BFSP2: variants seen among roughly 807,000 people sequenced by gnomAD.
BFSP2 encodes the protein beaded filament structural protein 2.
BFSP2 carries 38 observed loss-of-function variants against 44.9 expected under a neutral mutation model. The ratio of observed to expected loss-of-function variants is 0.85; its 90% CI spans 0.65 to 1.11. The LOEUF is 1.11. BFSP2 is among the 50% of genes least tolerant of loss of function. BFSP2 has a pLI of 0.00. For synonymous variants in BFSP2, 197 were observed against 209.9 expected, an observed-to-expected ratio of 0.94 and a Z score of 0.53; for missense variants, 525 against 533.0, an observed-to-expected ratio of 0.99 and a Z score of 0.15.
At chr3:133,442,911 G>A (rs568809928) in intron 1 of BFSP2, among the ~76,000 whole-genome samples, 1 of 151,686 alleles carries the variant, frequency 6.6e-6, no homozygotes, top group South Asian at 2.1e-4. Context: ...AGGCTGGAGT[G>A]CAGTGGTGCG....
chr3:133,414,512 T>C, intron 1 of BFSP2, among the ~76,000 whole-genome samples: 1 of 63,676 alleles, frequency 1.6e-5, no homozygotes, highest in African/African-American at 6.5e-5. Flanking sequence ...TACTCACCCC[T>C]CTACCTGCCC....
intron 1 of BFSP2, among the ~76,000 whole-genome samples, chr3:133,422,835 G>A (rs113256296): frequency 1.1e-3 from 127 of 118,788 alleles, no homozygotes; most frequent in African/African-American, 3.7e-3. Flanking sequence ...GGGGGTTGCC[G>A]AGAGACAGCA....
chr3:133,422,047 C>T (rs1411187113), intron 1 of BFSP2, among the ~76,000 whole-genome samples: 1 of 135,756 alleles, frequency 7.4e-6, no homozygotes, highest in Non-Finnish European at 1.5e-5. Context: ...GCAGAGGTTG[C>T]AGTGAGCCAA....
intron 5 of BFSP2, 52 bp downstream of exon 5, chr3:133,467,011 A>T: frequency 6.4e-7 from 1 of 1,570,562 alleles, no homozygotes; most frequent in Non-Finnish European, 8.7e-7. Context: ...TTAACTCTCT[A>T]CTGTCAAATT....
At chr3:133,472,289 T>G in intron 5 of BFSP2, 56 bp from the exon 6 acceptor site, 1 of 1,550,628 alleles carries the variant, frequency 6.4e-7, no homozygotes, top group Non-Finnish European at 8.7e-7. Flanking sequence ...CACACCTCCC[T>G]CTTCAAGGGC....
intron 1 of BFSP2, among the ~76,000 whole-genome samples, chr3:133,419,860 T>A (rs1370802584): frequency 1.3e-5 from 2 of 152,236 alleles, no homozygotes; most frequent in South Asian, 4.1e-4. Flanking sequence ...AGAATGACTT[T>A]ATCTGAGTAG....
chr3:133,432,115 C>T (rs1381953866), intron 1 of BFSP2, among the ~76,000 whole-genome samples: 2 of 152,168 alleles, frequency 1.3e-5, no homozygotes, highest in Non-Finnish European at 2.9e-5. Context: ...ATGTCCCATC[C>T]CACAGCACGC....
chr3:133,452,898 A>T (rs56299019), intron 4 of BFSP2, among the ~76,000 whole-genome samples: 46,848 of 151,906 alleles, frequency 0.31, 7,900 homozygotes, highest in African/African-American at 0.46. Flanking sequence ...CCTTCATAGT[A>T]TGAAAAAGAA....
At chr3:133,458,384 T>C (rs1337206739) in intron 4 of BFSP2, among the ~76,000 whole-genome samples, 1 of 152,216 alleles carries the variant, frequency 6.6e-6, no homozygotes, top group Non-Finnish European at 1.5e-5. Context: ...TCTTTGCCTC[T>C]TCTTTTCTCT....
At position 133,472,498 on chromosome 3, in the gene BFSP2, G is replaced by A. The variant is rs773893110; in HGVS notation, c.1177G>A (p.Ala393Thr). ...QQQQERAHLL[A>T]RKCQLQKDVA... ...GCAACAGGAGCGCGCGCATCTGCTG[G>A]CCCGCAAGTGCCAGCTGCAGAAGGA... Residue 393 changes from alanine to threonine, a missense_variant, in exon 6 of 7, where the codon GCC becomes ACC. Transcript: ENST00000302334. The A allele has an allele frequency of 5.6e-6, 9 of 1,613,180 alleles. No individual in the cohort carries two copies. In the Admixed American group the frequency reaches 1.0e-4, roughly 18 times the overall value.
intron 1 of BFSP2, among the ~76,000 whole-genome samples, chr3:133,431,978 G>A (rs11718305): frequency 0.68 from 103,208 of 151,404 alleles, 35,828 homozygotes; most frequent in Middle Eastern, 0.88. Context: ...CCTCCTTTGC[G>A]TCTTCCTCTC....
chr3:133,456,470 G>C (rs985883765), intron 4 of BFSP2, among the ~76,000 whole-genome samples: 1 of 152,228 alleles, frequency 6.6e-6, no homozygotes, highest in Non-Finnish European at 1.5e-5. Flanking sequence ...GGGTTATACA[G>C]GTGCAGTGGC....
intron 1 of BFSP2, among the ~76,000 whole-genome samples, chr3:133,424,245 T>TGTGTGTGTGTGTGTGTGTG (rs2073623766): frequency 1.5e-5 from 2 of 129,702 alleles, no homozygotes; most frequent in Non-Finnish European, 3.2e-5. Context: ...TTTTTTTGTA[T>TGTGTGTGTGTGTGTGTGTG]TTTTAGTAGA....
chr3:133,413,307 C>T (rs377267334), intron 1 of BFSP2, among the ~76,000 whole-genome samples: 1 of 151,836 alleles, frequency 6.6e-6, no homozygotes, highest in African/African-American at 2.4e-5. Context: ...TGACGTGTCC[C>T]GGTGGGAGAG....
At chr3:133,422,204 G>T (rs2073599836) in intron 1 of BFSP2, among the ~76,000 whole-genome samples, 1 of 151,610 alleles carries the variant, frequency 6.6e-6, no homozygotes, top group Non-Finnish European at 1.5e-5. Flanking sequence ...AGAGAATGCT[G>T]TTCATATAGT....
chr3:133,471,261 G>T (rs1249032577), intron 5 of BFSP2, among the ~76,000 whole-genome samples: 1 of 152,132 alleles, frequency 6.6e-6, no homozygotes, highest in Middle Eastern at 3.2e-3. Context: ...GGCCACTGAG[G>T]GTACCACAGG....
At chr3:133,415,478 A>C (rs1404070766) in intron 1 of BFSP2, among the ~76,000 whole-genome samples, 4 of 54,784 alleles carry the variant, frequency 7.3e-5, no homozygotes, top group Non-Finnish European at 1.4e-4. Context: ...CCCTCTACTC[A>C]CCCCTATAGT....
chr3:133,425,492 A>C (rs1361838600), intron 1 of BFSP2, among the ~76,000 whole-genome samples: 1 of 152,224 alleles, frequency 6.6e-6, no homozygotes, highest in Admixed American at 6.5e-5. Flanking sequence ...GGGCGAAAAC[A>C]TGGAGGGTCC....
intron 1 of BFSP2, among the ~76,000 whole-genome samples, chr3:133,404,569 G>C (rs1339353995): frequency 6.6e-6 from 1 of 152,212 alleles, no homozygotes; most frequent in African/African-American, 2.4e-5. Context: ...CAGAATCATG[G>C]AGCGAGGCCT....
Sources: gnomAD v4.1 joint callset for allele counts (sites outside exome capture counted in the v4.1 genomes callset) on GRCh38, gnomAD v4.1.1 for gene constraint, MANE v1.5 for transcripts, NCBI Gene and HGNC (gene_info 2026-07-23, HGNC 2026-07-21) for gene names.